ZNF638: variants seen among roughly 807,000 people sequenced by gnomAD.
ZNF638 encodes the protein zinc finger protein 638.
Under a neutral mutation model 195.6 loss-of-function variants are expected in ZNF638, and 46 were observed. The ratio of observed to expected loss-of-function variants is 0.24; its 90% CI spans 0.19 to 0.30. The LOEUF (loss-of-function observed/expected upper bound fraction) is 0.30. Among genes scored for constraint, ZNF638 ranks in the 10% least tolerant of loss-of-function variants. The probability of loss-of-function intolerance (pLI) is 1.00; values close to 1 mark genes in which losing one functional copy is unlikely to be tolerated. For missense variants in ZNF638, 2,440 were observed against 2,325.3 expected (o/e 1.05, Z -1.01); for synonymous variants, 845 against 772.0 (o/e 1.09, Z -1.57).
At chr2:71,365,800 G>A (rs890638191) in intron 6 of ZNF638, 94 bp downstream of exon 6, 2 of 1,215,850 alleles carry the variant, frequency 1.6e-6, no homozygotes, top group Non-Finnish European at 2.3e-6. Context: ...GCTCACTGCA[G>A]CCTCGATCTC....
intron 17 of ZNF638, among the ~76,000 whole-genome samples, chr2:71,405,074 C>A (rs2080079369): frequency 6.6e-6 from 1 of 152,022 alleles, no homozygotes. Context: ...GTTTAGGATC[C>A]TCAGTCTTAT....
intron 1 of ZNF638, among the ~76,000 whole-genome samples, chr2:71,336,434 CTAGA>C (rs2078671785): frequency 6.8e-6 from 1 of 147,582 alleles, no homozygotes; most frequent in South Asian, 2.1e-4. Context: ...AAACAAATTG[CTAGA>C]TCTCAATATA....
Position 71,427,109 on chromosome 2 carries a change from A to C in ZNF638, c.5240A>C (p.His1747Pro). 6.2e-7 allele frequency: 1 copy of C among 1,614,190 alleles called. No homozygotes were observed. The highest frequency in any genetic ancestry group is 2.2e-5 in the East Asian group (1 of 44,880). The change falls in exon 24 of 28, where the codon CAT becomes CCT. Residue 1747 changes from histidine (H) to proline (P), a missense_variant. By Grantham distance (77) the His-to-Pro change is moderately conservative. Around this residue, in one of 5 missense-constraint regions of ZNF638, gnomAD observed 1,883 missense variants for 1,739.1 expected, o/e 1.08. Coordinates refer to ENST00000264447, the MANE Select transcript of ZNF638 (RefSeq NM_014497.5). ...ATACAAGATGACAGCAGTGATTTGC[A>C]TTTAGTGACTTTGGATGAAGTAACT... is the stretch of plus-strand genomic sequence containing the variant. ...DEIQDDSSDL[H>P]LVTLDEVTEE...
At chr2:71,402,762 T>G (rs1009612720) in intron 16 of ZNF638, among the ~76,000 whole-genome samples, 2 of 152,198 alleles carry the variant, frequency 1.3e-5, no homozygotes, top group Non-Finnish European at 2.9e-5. Flanking sequence ...GAGCGAGATT[T>G]CAGGAAATAG....
intron 2 of ZNF638, 92 bp from the exon 3 acceptor site, chr2:71,355,627 G>C: frequency 1.1e-6 from 1 of 943,166 alleles, no homozygotes. Flanking sequence ...TTTAATTTTT[G>C]AACAAAATAT....
chr2:71,345,786 G>A (rs1160441463), intron 1 of ZNF638, among the ~76,000 whole-genome samples: 2 of 152,138 alleles, frequency 1.3e-5, no homozygotes, highest in Non-Finnish European at 2.9e-5. Flanking sequence ...GACTACCGGC[G>A]TGAGTGAGCT....
intron 10 of ZNF638, chr2:71,395,581 G>A (rs770058691): frequency 2.7e-5 from 16 of 595,564 alleles, no homozygotes; most frequent in Admixed American, 9.3e-5. Context: ...CCTATTGCGC[G>A]CAGGACTGCT....
intron 10 of ZNF638, chr2:71,393,479 T>C (rs1445239087): frequency 1.4e-6 from 1 of 717,568 alleles, no homozygotes; most frequent in East Asian, 2.7e-5. Context: ...AAGGAAATGA[T>C]CCTGCAGGAC....
chr2:71,418,446 A>C (rs1219796830), intron 20 of ZNF638, 156 bp from the exon 21 acceptor site: 1 of 425,206 alleles, frequency 2.4e-6, no homozygotes, highest in East Asian at 3.5e-5. Context: ...AAATTCTAGA[A>C]CCTGATAGTA....
At chr2:71,430,983 T>C (rs771889183) in intron 25 of ZNF638, 1 of 166,058 alleles carries the variant, frequency 6.0e-6, no homozygotes, top group Non-Finnish European at 1.3e-5. Context: ...GCTGGTATCC[T>C]TTTCCCTTAA....
At chr2:71,363,676 A>T (rs1395773516) in intron 4 of ZNF638, among the ~76,000 whole-genome samples, 3 of 152,268 alleles carry the variant, frequency 2.0e-5, no homozygotes, top group Non-Finnish European at 2.9e-5. Context: ...TAATGTTGGT[A>T]CAGGAAAAAC....
At chr2:71,419,400 A>G (rs1250818887) in intron 21 of ZNF638, among the ~76,000 whole-genome samples, 1 of 152,224 alleles carries the variant, frequency 6.6e-6, no homozygotes. Context: ...CAGCAGTTTG[A>G]AAGTGTTTAA....
At chr2:71,385,915 TG>T (rs201112578) in intron 10 of ZNF638, among the ~76,000 whole-genome samples, 3,548 of 152,282 alleles carry the variant, frequency 0.023, 69 homozygotes, top group Middle Eastern at 0.058. Flanking sequence ...TAACATATAG[TG>T]TCTGCGAGCA....
chr2:71,366,235 A>G (rs974327362), intron 6 of ZNF638, among the ~76,000 whole-genome samples: 1 of 151,828 alleles, frequency 6.6e-6, no homozygotes, highest in Non-Finnish European at 1.5e-5. Context: ...CAGTAGTCCC[A>G]GCTACTTGGG....
chr2:71,425,730 C>T (rs1183296798), intron 23 of ZNF638, among the ~76,000 whole-genome samples: 7 of 152,134 alleles, frequency 4.6e-5, no homozygotes, highest in East Asian at 1.9e-4. Flanking sequence ...AGTGCAATGG[C>T]GTGATCTCGG....
chr2:71,421,046 A>G (rs375486457), intron 21 of ZNF638, among the ~76,000 whole-genome samples: 7 of 152,312 alleles, frequency 4.6e-5, no homozygotes, highest in African/African-American at 1.7e-4. Context: ...TCCTTGAGCC[A>G]GGAATCAAGG....
intron 20 of ZNF638, among the ~76,000 whole-genome samples, chr2:71,410,122 T>C (rs777615928): frequency 6.6e-6 from 1 of 152,338 alleles, no homozygotes; most frequent in African/African-American, 2.4e-5. Flanking sequence ...ATCAAAACTA[T>C]TTTGTTCCTC....
At chr2:71,398,631 T>C in intron 11 of ZNF638, 70 bp from the exon 12 acceptor site, 1 of 1,197,956 alleles carries the variant, frequency 8.3e-7, no homozygotes, top group Non-Finnish European at 1.2e-6. Flanking sequence ...TCTTTTTCTC[T>C]GTGAGGTTCT....
intron 1 of ZNF638, among the ~76,000 whole-genome samples, chr2:71,342,754 T>C (rs2078783719): frequency 6.6e-6 from 1 of 152,096 alleles, no homozygotes; most frequent in Non-Finnish European, 1.5e-5. Context: ...AAAAAGCCAC[T>C]AAAAACAGTA....
Sources: gnomAD v4.1 joint callset for allele counts (sites outside exome capture counted in the v4.1 genomes callset) on GRCh38, gnomAD v4.1.1 for gene constraint, gnomAD v4.1.1 regional missense constraint, MANE v1.5 for transcripts, NCBI Gene and HGNC (gene_info 2026-07-23, HGNC 2026-07-21) for gene names.